The following CHD1 variants were observed in gnomAD, a reference collection of about 807,000 sequenced individuals.
CHD1 encodes ATP-dependent chromatin remodeler CHD1.
A neutral mutation model predicts 224.2 loss-of-function variants in CHD1; 36 were observed. That is an observed-to-expected ratio of 0.16 (90% CI 0.12 to 0.21). CHD1 has a LOEUF of 0.21. Among genes scored for constraint, CHD1 ranks in the 10% least tolerant of loss-of-function variants. The pLI is 1.00. For synonymous variants in CHD1, 668 were observed against 658.3 expected (o/e 1.01, Z -0.23); for missense variants, 1,378 against 1,994.8 (o/e 0.69, Z 5.89).
chr5:98,858,780 GT>G (rs1440514523), intron 34 of CHD1, 183 bp downstream of exon 34: 1 of 462,482 alleles, frequency 2.2e-6, no homozygotes, highest in Non-Finnish European at 3.8e-6. Context: ...ATGAACTACA[GT>G]TTAAGAGAAT....
At chr5:98,900,270 A>G (rs1740137046) in intron 7 of CHD1, among the ~76,000 whole-genome samples, 1 of 140,936 alleles carries the variant, frequency 7.1e-6, no homozygotes, top group African/African-American at 2.8e-5. Flanking sequence ...CAACAGAACG[A>G]GATTCTGTCA....
rs1751952250 is a variant in CHD1, at chr5:98,904,944, G to C, written c.208C>G (p.Arg70Gly). ...GGTTTTGCTTGAACTTTGTTTTCTC[G>C]GGAAGTGTCTGACTCAGACTCTGAC... ...SQSESESDTS[R>G]ENKVQAKPPK... Residue 70 changes from arginine (R) to glycine (G), a missense_variant, in exon 3 of 36, where the codon CGA becomes GGA. This residue lies in a region of CHD1 where 306 missense variants were observed against 298.1 expected (regional missense o/e 1.03). Transcript: ENST00000614616. 6.2e-7 allele frequency: 1 copy of C among 1,613,404 alleles called. No individual in the cohort carries two copies. Among genetic ancestry groups the C allele is most frequent in the Non-Finnish European group, 8.5e-7 (1 of 1,179,624 alleles).
chr5:98,901,428 CGCTATCAAAAATACT>C (rs1441954794), intron 5 of CHD1, 93 bp from the exon 6 acceptor site: 79 of 977,450 alleles, frequency 8.1e-5, no homozygotes, highest in Non-Finnish European at 1.1e-4. Flanking sequence ...AAACTATATT[CGCTATCAAAAATACT>C]GTTGCTTTTA....
At chr5:98,882,623 T>C (rs1750276513) in intron 19 of CHD1, among the ~76,000 whole-genome samples, 3 of 152,112 alleles carry the variant, frequency 2.0e-5, no homozygotes, top group Admixed American at 2.0e-4. Context: ...TGCAGTAAAT[T>C]TTCCCTATTT....
intron 31 of CHD1, among the ~76,000 whole-genome samples, chr5:98,866,313 A>C (rs162142): frequency 0.054 from 8,184 of 152,218 alleles, 724 homozygotes; most frequent in African/African-American, 0.19. Context: ...GAATGTCAAC[A>C]GCTCAAAGTA....
intron 2 of CHD1, among the ~76,000 whole-genome samples, chr5:98,913,085 T>C (rs1752526429): frequency 6.6e-6 from 1 of 152,202 alleles, no homozygotes; most frequent in Admixed American, 6.5e-5. Flanking sequence ...GAATTTTATT[T>C]ACTAAAGAAT....
rs1315869763 is a variant in CHD1, at chr5:98,889,096, T to G, written c.2323A>C (p.Asn775His). The G allele has an allele frequency of 6.3e-7, 1 of 1,591,692 alleles. No homozygotes were observed. Among genetic ancestry groups the G allele is most frequent in the African/African-American group, 1.3e-5 (1 of 74,446 alleles). ...CTTACTTGTAAGGCCTCCTGTTTAT[T>G]ATAGAATTCATTATTATCTGGTGGT... is the stretch of plus-strand genomic sequence containing the variant. ...IKPPDNNEFY[N>H]KQEALQHLIR... Residue 775 changes from asparagine (N) to histidine (H), a missense_variant, in exon 16 of 36, where the codon AAT becomes CAT. This residue lies in a region of CHD1 where 58 missense variants were observed against 90.0 expected (regional missense o/e 0.64). Coordinates refer to ENST00000614616, the MANE Select transcript of CHD1 (RefSeq NM_001270.4).
intron 31 of CHD1, among the ~76,000 whole-genome samples, chr5:98,864,130 G>A (rs1324839607): frequency 6.6e-6 from 1 of 152,072 alleles, no homozygotes; most frequent in Non-Finnish European, 1.5e-5. Flanking sequence ...TCCTTGGCCT[G>A]TACATTCCTG....
At chr5:98,862,017 C>T (rs1748514423) in intron 32 of CHD1, among the ~76,000 whole-genome samples, 1 of 152,026 alleles carries the variant, frequency 6.6e-6, no homozygotes, top group African/African-American at 2.4e-5. Flanking sequence ...ATTAGCCAGG[C>T]CTGGTAGCGT....
intron 5 of CHD1, among the ~76,000 whole-genome samples, chr5:98,902,185 C>T (rs1335927812): frequency 6.6e-6 from 1 of 151,040 alleles, no homozygotes; most frequent in Non-Finnish European, 1.5e-5. Flanking sequence ...AATAGGAGGA[C>T]CAGAGAGATT....
intron 2 of CHD1, among the ~76,000 whole-genome samples, chr5:98,925,605 T>G (rs537182937): frequency 6.6e-6 from 1 of 152,188 alleles, no homozygotes; most frequent in African/African-American, 2.4e-5. Flanking sequence ...AATGTGCAGA[T>G]AACTCAAAAT....
intron 31 of CHD1, 127 bp from the exon 32 acceptor site, chr5:98,863,713 T>C: frequency 1.7e-6 from 1 of 592,980 alleles, no homozygotes. Context: ...AAATAAGCAA[T>C]TAAATCTCAC....
intron 2 of CHD1, among the ~76,000 whole-genome samples, chr5:98,921,743 C>G (rs1753110118): frequency 6.6e-6 from 1 of 152,190 alleles, no homozygotes; most frequent in Non-Finnish European, 1.5e-5. Flanking sequence ...TTTGCCCACA[C>G]ATTATGACTA....
At chr5:98,920,833 A>G (rs161954) in intron 2 of CHD1, among the ~76,000 whole-genome samples, 49,853 of 151,508 alleles carry the variant, frequency 0.33, 9,775 homozygotes, top group African/African-American at 0.54. Flanking sequence ...AGATTTCAAA[A>G]ACATTCTACA....
At chr5:98,866,375 T>C (rs892341363) in intron 31 of CHD1, among the ~76,000 whole-genome samples, 3 of 152,114 alleles carry the variant, frequency 2.0e-5, no homozygotes, top group African/African-American at 2.4e-5. Context: ...GCATGAACAA[T>C]AGTTGAACTA....
At chr5:98,928,140 C>T (rs1753607476) in intron 1 of CHD1, among the ~76,000 whole-genome samples, 1 of 152,122 alleles carries the variant, frequency 6.6e-6, no homozygotes, top group Admixed American at 6.5e-5. Flanking sequence ...TTCCCGCAGA[C>T]CCGCCCCGCG....
chr5:98,868,489 G>A lies in CHD1; in HGVS notation c.4248+6C>T. ...AATACTAATAATCAGAAAGTCTAAG[G>A]CTTACAATGCTGAATGTCTTCTGAT... On this transcript the variant is annotated splice_donor_region_variant and intron_variant, in intron 31 of 35. Transcript: ENST00000614616. 1 of 1,603,568 alleles carries A rather than the reference G, an allele frequency of 6.2e-7. No homozygotes were observed. Among genetic ancestry groups the A allele is most frequent in the Non-Finnish European group, 8.5e-7 (1 of 1,177,610 alleles).
intron 2 of CHD1, among the ~76,000 whole-genome samples, chr5:98,916,064 T>C (rs1048219330): frequency 6.6e-6 from 1 of 151,912 alleles, no homozygotes; most frequent in Non-Finnish European, 1.5e-5. Flanking sequence ...TGGTGGCACA[T>C]GCCTGTAATC....
intron 18 of CHD1, 41 bp from the exon 19 acceptor site, chr5:98,883,278 T>A: frequency 7.0e-7 from 1 of 1,435,434 alleles, no homozygotes; most frequent in Non-Finnish European, 9.5e-7. Context: ...ATTTTTCAAT[T>A]GATTTTCTGA....
Sources: gnomAD v4.1 joint callset for allele counts (sites outside exome capture counted in the v4.1 genomes callset) on GRCh38, gnomAD v4.1.1 for gene constraint, gnomAD v4.1.1 regional missense constraint, MANE v1.5 for transcripts, NCBI Gene and HGNC (gene_info 2026-07-23, HGNC 2026-07-21) for gene names.